Variants in DARS1 observed in about 807,000 individuals in gnomAD.
The protein encoded by DARS1 is aspartyl-tRNA synthetase 1.
DARS1 carries 51 observed loss-of-function variants against 68.8 expected under a neutral mutation model. That is an observed-to-expected ratio of 0.74 (90% CI 0.59 to 0.94). The LOEUF is 0.94. Ranked by LOEUF, DARS1 falls within the 40% of genes least tolerant of loss-of-function variation. DARS1 has a pLI of 0.00. For synonymous variants in DARS1, 203 were observed against 190.4 expected, an observed-to-expected ratio of 1.07 and a Z score of -0.55; for missense variants, 607 against 597.3, an observed-to-expected ratio of 1.02 and a Z score of -0.17.
At chr2:135,915,104 A>T (rs984115735) in intron 11 of DARS1, among the ~76,000 whole-genome samples, 3 of 152,098 alleles carry the variant, frequency 2.0e-5, no homozygotes, top group African/African-American at 7.2e-5. Flanking sequence ...CCATATATAT[A>T]TATTTTTTTT....
chr2:135,917,499 A>T (rs1176481474), intron 10 of DARS1, among the ~76,000 whole-genome samples: 1 of 152,158 alleles, frequency 6.6e-6, no homozygotes, highest in Admixed American at 6.5e-5. Flanking sequence ...TTTCTGAGAC[A>T]GGGTCCCACT....
chr2:135,966,691 C>T (rs1207589118), intron 3 of DARS1, among the ~76,000 whole-genome samples: 2 of 152,138 alleles, frequency 1.3e-5, no homozygotes, highest in Non-Finnish European at 2.9e-5. Context: ...AATCCCATGC[C>T]TAACTAATTT....
chr2:135,936,269 T>C (rs1681471190), intron 5 of DARS1, among the ~76,000 whole-genome samples: 1 of 152,254 alleles, frequency 6.6e-6, no homozygotes. Flanking sequence ...CTGTAAGCTC[T>C]TCTGGCTTAA....
At chr2:135,911,307 TGA>T (rs775594068) in intron 14 of DARS1, 73 bp downstream of exon 14, 13 of 847,758 alleles carry the variant, frequency 1.5e-5, no homozygotes, top group Non-Finnish European at 2.4e-5. Context: ...TTAAAAAGAC[TGA>T]GAAGTCTTTT....
rs779639974 is a variant in DARS1 at position 135,907,402 on chromosome 2, C to T, written c.1420G>A (p.Glu474Lys). The T allele has an allele frequency of 6.2e-7, 1 of 1,608,774 alleles. No individual in the cohort carries two copies. Among genetic ancestry groups the T allele is most frequent in the Non-Finnish European group, 8.5e-7 (1 of 1,176,964 alleles). ...CCCAGAAACAGCATAGTAACTCGTT[C>T]CAATCCTGGGGAAGACAAAAATAAT... ...PPHAGGGIGL[E>K]RVTMLFLGLH... Residue 474 changes from glutamate (E) to lysine (K), a missense_variant, in exon 16 of 16, where the codon GAA becomes AAA. Physicochemically the swap from Glu to Lys is moderately conservative, Grantham distance 56. Coordinates refer to ENST00000264161, the MANE Select transcript of DARS1 (RefSeq NM_001349.4).
At position 135,931,381 on chromosome 2, in the gene DARS1, T is replaced by C. The variant is rs187091332; in HGVS notation, c.564+1402A>G. 4.5e-4 allele frequency among the ~76,000 whole-genome samples: 69 copies of C among 152,214 alleles called. No homozygotes were observed. In the East Asian group the frequency reaches 0.012, roughly 27 times the overall value. On this transcript the variant is annotated intron_variant, in intron 7 of 15. Transcript: ENST00000264161. ...CCTCCTGAGTAGCTGGGACCACAGA[T>C]GCATGCCATCATACTTGGCTAATTT...
chr2:135,973,656 A>G (rs970950986), intron 3 of DARS1, among the ~76,000 whole-genome samples: 6 of 152,230 alleles, frequency 3.9e-5, no homozygotes, highest in Non-Finnish European at 8.8e-5. Context: ...TGAGTTTCAG[A>G]CCAGCCTGGG....
intron 4 of DARS1, among the ~76,000 whole-genome samples, chr2:135,946,714 C>A (rs746740931): frequency 3.1e-4 from 47 of 152,092 alleles, no homozygotes; most frequent in Non-Finnish European, 5.7e-4. Flanking sequence ...CAACTCCAGT[C>A]AAAGAGGTCA....
At chr2:135,932,505 A>G (rs536627232) in intron 7 of DARS1, among the ~76,000 whole-genome samples, 1 of 152,360 alleles carries the variant, frequency 6.6e-6, no homozygotes, top group East Asian at 1.9e-4. Context: ...TGTCTAAAAA[A>G]GATATCACCT....
In DARS1 at chr2:135,921,356, CTTAT is replaced by C. The variant is rs535923909; in HGVS notation, c.812-760_812-757del. Among the ~76,000 whole-genome samples the C allele has an allele frequency of 2.3e-3, 354 of 151,906 alleles. 3 individuals carry two copies. Among genetic ancestry groups the C allele is most frequent in the African/African-American group, 8.2e-3 (342 of 41,462 alleles). ...TTCTCACTTCTTAATACTAACTTGT[CTTAT>C]TTTTGTTTTCTTGTGTAGTTCTTGC... On this transcript the variant is annotated intron_variant, in intron 9 of 15. Coordinates refer to ENST00000264161, the MANE Select transcript of DARS1 (RefSeq NM_001349.4).
chr2:135,985,674 C>G, upstream of DARS1: 1 of 1,308,578 alleles, frequency 7.6e-7, no homozygotes, highest in South Asian at 1.5e-5. Context: ...GGCGGCCGCG[C>G]GCAGGGTCTC....
chr2:135,921,771 T>C (rs1263562911), intron 9 of DARS1, among the ~76,000 whole-genome samples: 6 of 152,172 alleles, frequency 3.9e-5, no homozygotes, highest in Admixed American at 3.9e-4. Context: ...GATCAGAATC[T>C]GTATTTTAAC....
At chr2:135,946,628 C>T (rs563469233) in intron 4 of DARS1, among the ~76,000 whole-genome samples, 2 of 151,984 alleles carry the variant, frequency 1.3e-5, no homozygotes, top group South Asian at 2.1e-4. Flanking sequence ...AAATGGCTAC[C>T]GTAGATGATC....
intron 4 of DARS1, among the ~76,000 whole-genome samples, chr2:135,947,997 C>T (rs1275459183): frequency 2.0e-5 from 3 of 152,176 alleles, no homozygotes; most frequent in East Asian, 3.8e-4. Flanking sequence ...ATAATAATTT[C>T]ATATTGTTTT....
chr2:135,982,582 C>T (rs1158376475), intron 2 of DARS1, among the ~76,000 whole-genome samples: 3 of 149,182 alleles, frequency 2.0e-5, no homozygotes, highest in East Asian at 2.0e-4. Flanking sequence ...GGCGACAGAG[C>T]GAGCCTCTGT....
At chr2:135,920,430 T>C (rs183157576) in intron 10 of DARS1, 23 bp downstream of exon 10, 7 of 1,604,538 alleles carry the variant, frequency 4.4e-6, no homozygotes, top group Non-Finnish European at 6.0e-6. Context: ...TAAGTCCATC[T>C]AGGTGCATAA....
chr2:135,937,849 C>T (rs1681504092), intron 5 of DARS1, among the ~76,000 whole-genome samples: 1 of 152,200 alleles, frequency 6.6e-6, no homozygotes, highest in Admixed American at 6.5e-5. Flanking sequence ...AAAGTTTCTG[C>T]CGAGATATCA....
At chr2:135,971,879 A>T (rs1682378244) in intron 3 of DARS1, among the ~76,000 whole-genome samples, 1 of 152,174 alleles carries the variant, frequency 6.6e-6, no homozygotes, top group Non-Finnish European at 1.5e-5. Context: ...CCTAGGAATT[A>T]ACCAAAGAAG....
chr2:135,925,516 C>T (rs1432958618), intron 7 of DARS1, among the ~76,000 whole-genome samples: 2 of 152,088 alleles, frequency 1.3e-5, no homozygotes, highest in African/African-American at 4.8e-5. Context: ...TTCTTTCACT[C>T]TAAAGAATGA....
Sources: allele counts gnomAD v4.1 joint callset (sites outside exome capture counted in the v4.1 genomes callset), GRCh38; gene constraint gnomAD v4.1.1; transcripts MANE v1.5; gene names NCBI Gene and HGNC (gene_info 2026-07-23, HGNC 2026-07-21).